Variants in CSTPP1 observed in about 807,000 individuals in gnomAD.
The protein encoded by CSTPP1 is centriolar satellite-associated tubulin polyglutamylase complex regulator 1.
At chr11:47,097,573 G>A in the CSTPP1 span, among the ~76,000 whole-genome samples, 1 of 68,976 alleles carries the variant, frequency 1.4e-5, no homozygotes. Context: ...CCCCGTCCGG[G>A]AGGGAGGTGG....
the CSTPP1 span, among the ~76,000 whole-genome samples, chr11:46,989,951 T>C: frequency 6.6e-6 from 1 of 152,122 alleles, no homozygotes; most frequent in Non-Finnish European, 1.5e-5. Flanking sequence ...TCTAGCTCCA[T>C]CCATGTTGCT....
At chr11:47,164,124 C>T in the CSTPP1 span, 39 of 1,613,454 alleles carry the variant, frequency 2.4e-5, no homozygotes, top group African/African-American at 5.3e-5. Context: ...CCGGACCTCA[C>T]GGCAGCACAG....
the CSTPP1 span, among the ~76,000 whole-genome samples, chr11:47,034,911 T>C: frequency 6.6e-6 from 1 of 152,220 alleles, no homozygotes. Context: ...TTTCTAAAAT[T>C]ATCAAACCAT....
At chr11:46,947,485 CT>C in the CSTPP1 span, among the ~76,000 whole-genome samples, 1 of 152,154 alleles carries the variant, frequency 6.6e-6, no homozygotes, top group Non-Finnish European at 1.5e-5. Context: ...TCTTAAGCAC[CT>C]TTCTTTAAAC....
the CSTPP1 span, among the ~76,000 whole-genome samples, chr11:46,969,867 C>T: frequency 2.0e-5 from 3 of 152,040 alleles, no homozygotes; most frequent in Non-Finnish European, 1.5e-5. Context: ...TGGGTTCAAG[C>T]GATTCTCATG....
the CSTPP1 span, among the ~76,000 whole-genome samples, chr11:47,150,482 C>G: frequency 2.0e-5 from 3 of 152,162 alleles, no homozygotes; most frequent in Admixed American, 6.5e-5. Flanking sequence ...ATCTTATGTT[C>G]CCAGGACAAA....
the CSTPP1 span, among the ~76,000 whole-genome samples, chr11:46,965,103 T>C: frequency 6.6e-6 from 1 of 152,030 alleles, no homozygotes; most frequent in Admixed American, 6.6e-5. Context: ...ATGGGACAAG[T>C]GGACTACTTT....
chr11:46,966,143 A>G, the CSTPP1 span, among the ~76,000 whole-genome samples: 1 of 152,136 alleles, frequency 6.6e-6, no homozygotes, highest in Admixed American at 6.5e-5. Context: ...CCCGGGTTCA[A>G]GTGATTCTCC....
the CSTPP1 span, among the ~76,000 whole-genome samples, chr11:46,998,320 A>G: frequency 3.3e-5 from 5 of 152,346 alleles, no homozygotes; most frequent in South Asian, 6.2e-4. Flanking sequence ...GTGAACCAAC[A>G]GTAAGGCTGA....
chr11:47,060,915 G>T, the CSTPP1 span, among the ~76,000 whole-genome samples: 1 of 152,174 alleles, frequency 6.6e-6, no homozygotes, highest in Non-Finnish European at 1.5e-5. Context: ...GCATAGACCC[G>T]TTAGGAGACT....
the CSTPP1 span, among the ~76,000 whole-genome samples, chr11:46,994,789 A>T: frequency 6.6e-6 from 1 of 152,220 alleles, no homozygotes; most frequent in Non-Finnish European, 1.5e-5. Flanking sequence ...TGCTGGCCTC[A>T]TAAAATGAGT....
the CSTPP1 span, among the ~76,000 whole-genome samples, chr11:47,008,762 T>G: frequency 6.6e-6 from 1 of 152,034 alleles, no homozygotes; most frequent in South Asian, 2.1e-4. Context: ...ACATAAAAAT[T>G]TCCCTGGCTC....
At chr11:47,038,575 C>G in the CSTPP1 span, among the ~76,000 whole-genome samples, 182 of 101,570 alleles carry the variant, frequency 1.8e-3, 2 homozygotes, top group African/African-American at 5.2e-3. Context: ...GCTGGCCGGG[C>G]GGGGGGCTGA....
chr11:46,954,207 T>C, the CSTPP1 span, among the ~76,000 whole-genome samples: 1 of 152,220 alleles, frequency 6.6e-6, no homozygotes, highest in African/African-American at 2.4e-5. Context: ...AAGAAACAGT[T>C]GAAAAACTCT....
chr11:47,091,320 G>A, the CSTPP1 span, among the ~76,000 whole-genome samples: 1 of 151,464 alleles, frequency 6.6e-6, no homozygotes, highest in Non-Finnish European at 1.5e-5. Context: ...GTTGCAGTGA[G>A]CCGAGGTCAC....
At chr11:47,064,099 T>G in the CSTPP1 span, among the ~76,000 whole-genome samples, 69 of 152,344 alleles carry the variant, frequency 4.5e-4, no homozygotes, top group African/African-American at 1.6e-3. Context: ...TCTTTTAATA[T>G]GCTTATTAGC....
At chr11:47,030,288 C>T in the CSTPP1 span, among the ~76,000 whole-genome samples, 3 of 152,174 alleles carry the variant, frequency 2.0e-5, no homozygotes, top group Non-Finnish European at 2.9e-5. Context: ...TCCAGTTAAA[C>T]AGTGCAGGTC....
At chr11:47,095,471 C>T in the CSTPP1 span, among the ~76,000 whole-genome samples, 1 of 152,124 alleles carries the variant, frequency 6.6e-6, no homozygotes, top group Non-Finnish European at 1.5e-5. Flanking sequence ...ATGATAGTTG[C>T]TTCATTGAAG....
chr11:47,121,452 GTAAGGT>G, the CSTPP1 span, among the ~76,000 whole-genome samples: 7 of 152,090 alleles, frequency 4.6e-5, no homozygotes, highest in Admixed American at 4.6e-4. Flanking sequence ...ATATTACTGT[GTAAGGT>G]ACAGATACCT....
Sources: gnomAD v4.1 joint callset for allele counts (sites outside exome capture counted in the v4.1 genomes callset) on GRCh38, gnomAD v4.1.1 for gene constraint, MANE v1.5 for transcripts, NCBI Gene and HGNC (gene_info 2026-07-23, HGNC 2026-07-21) for gene names.